The following PRKCE variants were observed in gnomAD, a reference collection of about 807,000 sequenced individuals.
PRKCE encodes the protein protein kinase C epsilon type.
PRKCE carries 16 observed loss-of-function variants against 85.4 expected under a neutral mutation model. That is an observed-to-expected ratio of 0.19 (90% CI 0.13 to 0.28). The LOEUF (loss-of-function observed/expected upper bound fraction) is 0.28, where lower values mean the gene tolerates loss of function less well. Among genes scored for constraint, PRKCE ranks in the 10% least tolerant of loss-of-function variants. PRKCE has a pLI of 1.00. For synonymous variants in PRKCE, 388 were observed against 371.5 expected, an observed-to-expected ratio of 1.04 and a Z score of -0.51; for missense variants, 573 against 975.2, an observed-to-expected ratio of 0.59 and a Z score of 5.49.
At chr2:45,961,655 G>C (rs540060111) in intron 2 of PRKCE, among the ~76,000 whole-genome samples, 1 of 151,858 alleles carries the variant, frequency 6.6e-6, no homozygotes, top group Non-Finnish European at 1.5e-5. Flanking sequence ...AGGTGTAGCA[G>C]CCTGCCTTGG....
At chr2:45,691,401 C>A (rs192076991) in intron 1 of PRKCE, among the ~76,000 whole-genome samples, 1 of 152,130 alleles carries the variant, frequency 6.6e-6, no homozygotes, top group Admixed American at 6.5e-5. Context: ...GACTGAGTGA[C>A]GCAGGCTCAG....
At chr2:45,994,956 T>C (rs1261803290) in intron 6 of PRKCE, among the ~76,000 whole-genome samples, 2 of 152,210 alleles carry the variant, frequency 1.3e-5, no homozygotes, top group Non-Finnish European at 2.9e-5. Flanking sequence ...TTGGGTGTTA[T>C]CAGTTACCTC....
chr2:46,121,523 C>T (rs903973559), intron 11 of PRKCE, among the ~76,000 whole-genome samples: 2 of 152,170 alleles, frequency 1.3e-5, no homozygotes, highest in African/African-American at 4.8e-5. Context: ...CAGCATCACA[C>T]AGTGGACTCT....
chr2:45,687,402 T>C (rs990874961), intron 1 of PRKCE, among the ~76,000 whole-genome samples: 1 of 152,170 alleles, frequency 6.6e-6, no homozygotes, highest in Non-Finnish European at 1.5e-5. Flanking sequence ...TTATTAACTG[T>C]TAGAATGATA....
At chr2:45,792,539 C>G (rs1377503026) in intron 1 of PRKCE, among the ~76,000 whole-genome samples, 2 of 152,152 alleles carry the variant, frequency 1.3e-5, no homozygotes, top group Non-Finnish European at 2.9e-5. Context: ...TCTGGTGGCT[C>G]TAACACGCAG....
intron 1 of PRKCE, among the ~76,000 whole-genome samples, chr2:45,777,597 A>G (rs1685849675): frequency 6.6e-6 from 1 of 152,286 alleles, no homozygotes; most frequent in South Asian, 2.1e-4. Context: ...CGTACTTGAT[A>G]TTGAATCTGC....
chr2:46,182,128 G>C (rs1227741170), intron 14 of PRKCE, among the ~76,000 whole-genome samples: 1 of 152,062 alleles, frequency 6.6e-6, no homozygotes, highest in African/African-American at 2.4e-5. Flanking sequence ...CTCCTGGCTT[G>C]CCTTCTGGGA....
At chr2:46,094,151 A>C (rs904961397) in intron 11 of PRKCE, among the ~76,000 whole-genome samples, 11 of 152,108 alleles carry the variant, frequency 7.2e-5, no homozygotes, top group Non-Finnish European at 1.5e-4. Flanking sequence ...TTCCAGTCTA[A>C]ATGGTTACCT....
chr2:45,744,037 T>C (rs974697065), intron 1 of PRKCE, among the ~76,000 whole-genome samples: 1 of 150,680 alleles, frequency 6.6e-6, no homozygotes, highest in African/African-American at 2.4e-5. Flanking sequence ...ATAAAAATGA[T>C]GTATGGGAGA....
intron 1 of PRKCE, among the ~76,000 whole-genome samples, chr2:45,699,152 C>G (rs191183401): frequency 6.6e-5 from 10 of 152,112 alleles, no homozygotes; most frequent in African/African-American, 1.2e-4. Flanking sequence ...GCCCCCAACT[C>G]CCTCCTGTCC....
At chr2:46,021,416 A>G (rs1706650224) in intron 10 of PRKCE, among the ~76,000 whole-genome samples, 1 of 152,218 alleles carries the variant, frequency 6.6e-6, no homozygotes, top group African/African-American at 2.4e-5. Flanking sequence ...TGAGCAGGCT[A>G]TTTCAATAGG....
chr2:46,005,012 C>G (rs1274482720), intron 8 of PRKCE, among the ~76,000 whole-genome samples: 3 of 152,164 alleles, frequency 2.0e-5, no homozygotes, highest in Non-Finnish European at 4.4e-5. Flanking sequence ...ACACCACTCC[C>G]TTGAGTTGAG....
At chr2:46,141,770 A>C (rs1168930873) in intron 11 of PRKCE, among the ~76,000 whole-genome samples, 1 of 151,870 alleles carries the variant, frequency 6.6e-6, no homozygotes, top group African/African-American at 2.4e-5. Flanking sequence ...CCAAGTACAC[A>C]GGGACTAATA....
intron 1 of PRKCE, among the ~76,000 whole-genome samples, chr2:45,672,871 T>A (rs1463536996): frequency 1.3e-5 from 2 of 152,014 alleles, no homozygotes; most frequent in East Asian, 1.9e-4. Context: ...AAAAAATTTT[T>A]AAAAATTAGC....
rs1040291550 is a variant in PRKCE, at chr2:45,651,776, G to A, written c.-325G>A. 3 of 217,536 alleles carry A rather than the reference G, an allele frequency of 1.4e-5. No homozygotes were observed. The highest frequency in any genetic ancestry group is 4.6e-5 in the African/African-American group (2 of 43,936). The allele number at this position is 217,536 out of a possible 1,614,324, so 13.5% of individuals were successfully genotyped here. On this transcript the variant is annotated 5_prime_UTR_variant, in exon 1 of 15. Coordinates refer to ENST00000306156, the MANE Select transcript of PRKCE (RefSeq NM_005400.3). The stretch of plus-strand genomic sequence containing the variant: ...GGAGAGCCAGCGAGGCGGCGAGGCA[G>A]CCCCCGCGGCTTGCAGCGGAGCCGA...
chr2:45,984,563 C>A lies in PRKCE; in HGVS notation c.706C>A (p.Arg236=), dbSNP rs1206832160. Residue 236 remains arginine, a synonymous_variant, in exon 6 of 15, where the codon CGG becomes AGG. Coordinates refer to ENST00000306156, the MANE Select transcript of PRKCE (RefSeq NM_005400.3). ...GCCATCCCTGCAGGTGGGCTCCCAG[C>A]GGTTCAGCGTCAACATGCCCCACAA... ...QETPDQVGSQ[R]FSVNMPHKFG... is the part of the protein sequence containing the mutation. The A allele has an allele frequency of 2.5e-6, 4 of 1,599,592 alleles. No homozygotes were observed. Among genetic ancestry groups the A allele is most frequent in the Non-Finnish European group, 2.5e-6 (3 of 1,179,830 alleles).
At chr2:46,167,114 T>C (rs1678414471) in intron 14 of PRKCE, among the ~76,000 whole-genome samples, 1 of 152,182 alleles carries the variant, frequency 6.6e-6, no homozygotes, top group African/African-American at 2.4e-5. Flanking sequence ...CTTCTTCTCA[T>C]CCCCAAACTC....
At chr2:46,023,654 C>T (rs1053520339) in intron 10 of PRKCE, among the ~76,000 whole-genome samples, 1 of 152,182 alleles carries the variant, frequency 6.6e-6, no homozygotes, top group Non-Finnish European at 1.5e-5. Context: ...GGCCCTTTGT[C>T]TCCTTCCTGT....
intron 11 of PRKCE, among the ~76,000 whole-genome samples, chr2:46,133,768 G>C (rs10168349): frequency 0.35 from 53,767 of 152,020 alleles, 10,068 homozygotes; most frequent in Middle Eastern, 0.47. Context: ...AAGGCACCAT[G>C]TCTGTTCTCC....
Sources: allele counts gnomAD v4.1 joint callset (sites outside exome capture counted in the v4.1 genomes callset), GRCh38; gene constraint gnomAD v4.1.1; transcripts MANE v1.5; gene names NCBI Gene and HGNC (gene_info 2026-07-23, HGNC 2026-07-21).